Variants in GFOD2 observed in about 807,000 individuals in gnomAD.
The protein encoded by GFOD2 is glucose-fructose oxidoreductase domain-containing protein 2.
Under a neutral mutation model 24.6 loss-of-function variants are expected in GFOD2, and 9 were observed. The ratio of observed to expected loss-of-function variants is 0.37; its 90% confidence interval spans 0.22 to 0.64. The LOEUF is 0.64. GFOD2 is among the 30% of genes least tolerant of loss of function. The pLI is 0.65. For missense variants in GFOD2, 476 were observed against 532.5 expected, an observed-to-expected ratio of 0.89 and a Z score of 1.04; for synonymous variants, 211 against 224.8, an observed-to-expected ratio of 0.94 and a Z score of 0.55.
rs1328557644 is a variant in GFOD2 at position 67,675,939 on chromosome 16, C to T, written c.374G>A (p.Arg125His). Residue 125 changes from arginine (R) to histidine (H), a missense_variant, in exon 3 of 3, where the codon CGC becomes CAC. Physicochemically the swap from Arg to His is conservative, Grantham distance 29. Transcript: ENST00000268797. Reference protein sequence around the residue: ...QLMSLVGNVLRFLPAFVRMKQ... With the variant: ...QLMSLVGNVLHFLPAFVRMKQ... ...CATGCGCACGAAGGCAGGCAGGAAG[C>T]GCAGCACGTTCCCTACCAGGCTCAT... 10 of 1,614,090 alleles carry T rather than the reference C, an allele frequency of 6.2e-6. No homozygotes were observed. Among genetic ancestry groups the T allele is most frequent in the East Asian group, 2.2e-5 (1 of 44,894 alleles).
intron 1 of GFOD2, among the ~76,000 whole-genome samples, chr16:67,688,713 G>A (rs1042616843): frequency 6.7e-6 from 1 of 149,432 alleles, no homozygotes; most frequent in Non-Finnish European, 1.5e-5. Flanking sequence ...AAAAATTGTA[G>A]TACAATATAC....
chr16:67,697,838 T>C (rs1452176774), intron 1 of GFOD2, among the ~76,000 whole-genome samples: 1 of 152,160 alleles, frequency 6.6e-6, no homozygotes. Context: ...ACGAGGGAGC[T>C]GTGGGACATA....
intron 2 of GFOD2, chr16:67,681,002 G>A: frequency 1.0e-6 from 1 of 985,470 alleles, no homozygotes; most frequent in Non-Finnish European, 1.2e-6. Context: ...GGGCCCGGCA[G>A]GGAGAGTAGC....
intron 2 of GFOD2, chr16:67,682,724 A>C: frequency 1.0e-6 from 1 of 985,448 alleles, no homozygotes; most frequent in Non-Finnish European, 1.2e-6. Flanking sequence ...TCGTGGCCTT[A>C]GAAGTAAGGT....
intron 1 of GFOD2, among the ~76,000 whole-genome samples, chr16:67,715,140 C>T (rs1469182497): frequency 6.6e-6 from 1 of 152,008 alleles, no homozygotes; most frequent in African/African-American, 2.4e-5. Flanking sequence ...CTTACTGCAA[C>T]CTCTGCCTCC....
At chr16:67,711,796 C>G (rs892467333) in intron 1 of GFOD2, among the ~76,000 whole-genome samples, 2 of 152,174 alleles carry the variant, frequency 1.3e-5, no homozygotes, top group Non-Finnish European at 1.5e-5. Context: ...TTCTCTCACA[C>G]TTCACATCTG....
intron 2 of GFOD2, chr16:67,683,526 A>T: frequency 8.1e-7 from 1 of 1,231,766 alleles, no homozygotes; most frequent in Non-Finnish European, 1.0e-6. Flanking sequence ...TGACCTCCCA[A>T]GCATTTGGTG....
At chr16:67,711,085 A>G (rs1167377892) in intron 1 of GFOD2, among the ~76,000 whole-genome samples, 1 of 152,192 alleles carries the variant, frequency 6.6e-6, no homozygotes, top group Admixed American at 6.5e-5. Context: ...TGAAGACTCC[A>G]AAAGAGGTAG....
At chr16:67,716,876 T>C (rs1455059014) in intron 1 of GFOD2, among the ~76,000 whole-genome samples, 2 of 152,224 alleles carry the variant, frequency 1.3e-5, no homozygotes, top group Admixed American at 6.5e-5. Flanking sequence ...TGCTGAATTA[T>C]GAAGCCAAGA....
chr16:67,700,928 T>A (rs1331555197), intron 1 of GFOD2, among the ~76,000 whole-genome samples: 4 of 147,704 alleles, frequency 2.7e-5, no homozygotes, highest in Non-Finnish European at 4.5e-5. Context: ...TCCCAGCTAC[T>A]CAGGAGGCTG....
rs142968148 is a variant in GFOD2, at chr16:67,717,533, G to A, written c.-88+1630C>T. ...GGGCTGGGTGTGGTGGCTCACACCT[G>A]TTATCCCAGCACTTTGGGAGGCCAA... On this transcript the variant is annotated intron_variant, in intron 1 of 2. Transcript: ENST00000268797. Among the ~76,000 whole-genome samples, 714 of 152,312 alleles carry A rather than the reference G, an allele frequency of 4.7e-3. 3 individuals are homozygous for A. Among genetic ancestry groups the A allele is most frequent in the Non-Finnish European group, 6.8e-3 (464 of 68,030 alleles).
chr16:67,683,775 T>C (rs2053245385), intron 2 of GFOD2: 1 of 1,226,708 alleles, frequency 8.2e-7, no homozygotes, highest in Non-Finnish European at 1.0e-6. Flanking sequence ...TTTGCCACCA[T>C]GGCAGTGGTC....
intron 1 of GFOD2, among the ~76,000 whole-genome samples, chr16:67,709,260 AT>A (rs2053457570): frequency 6.6e-6 from 1 of 151,486 alleles, no homozygotes; most frequent in African/African-American, 2.4e-5. Flanking sequence ...GTGGGCTGTG[AT>A]TGCACCACTG....
chr16:67,681,840 T>C (rs1298246537), intron 2 of GFOD2: 1 of 985,146 alleles, frequency 1.0e-6, no homozygotes, highest in East Asian at 1.1e-4. Context: ...CATGTCTACC[T>C]GAGTTTATCT....
chr16:67,688,855 C>T (rs1354038721), intron 1 of GFOD2, among the ~76,000 whole-genome samples: 5 of 151,468 alleles, frequency 3.3e-5, no homozygotes, highest in African/African-American at 9.7e-5. Context: ...CCGCCTCAGC[C>T]TCCCAAGTAG....
At chr16:67,696,625 C>G (rs1237221003) in intron 1 of GFOD2, among the ~76,000 whole-genome samples, 1 of 151,886 alleles carries the variant, frequency 6.6e-6, no homozygotes, top group Non-Finnish European at 1.5e-5. Context: ...AGGCACCCAC[C>G]ACCACACCCG....
intron 2 of GFOD2, among the ~76,000 whole-genome samples, chr16:67,679,824 T>G (rs1597790651): frequency 6.6e-6 from 1 of 151,588 alleles, no homozygotes; most frequent in African/African-American, 2.4e-5. Flanking sequence ...GAGGCGGAGG[T>G]TGCAGTGAGC....
intron 1 of GFOD2, among the ~76,000 whole-genome samples, chr16:67,697,956 G>C (rs1217788094): frequency 1.3e-5 from 2 of 152,044 alleles, no homozygotes; most frequent in African/African-American, 4.8e-5. Context: ...TTGACAGGTG[G>C]GTGTGCTCAG....
chr16:67,699,530 C>T (rs1048262830), intron 1 of GFOD2, among the ~76,000 whole-genome samples: 1 of 152,116 alleles, frequency 6.6e-6, no homozygotes, highest in African/African-American at 2.4e-5. Flanking sequence ...GTCACCCAGA[C>T]TGGAATGCAG....
Sources: allele counts gnomAD v4.1 joint callset (sites outside exome capture counted in the v4.1 genomes callset), GRCh38; gene constraint gnomAD v4.1.1; transcripts MANE v1.5; gene names NCBI Gene and HGNC (gene_info 2026-07-23, HGNC 2026-07-21).